The following RADIL variants were observed in gnomAD, a reference collection of about 807,000 sequenced individuals.
RADIL encodes the protein ras-associating and dilute domain-containing protein.
Under a neutral mutation model 97.6 loss-of-function variants are expected in RADIL, and 99 were observed. The observed-to-expected ratio is 1.01, with a 90% confidence interval of 0.86 to 1.20. The LOEUF is 1.20. Among genes scored for constraint, RADIL ranks in the 50% most tolerant of loss-of-function variants. The pLI is 0.00. For missense variants in RADIL, 1,765 were observed against 1,498.9 expected, an observed-to-expected ratio of 1.18 and a Z score of -2.93; for synonymous variants, 803 against 691.8, an observed-to-expected ratio of 1.16 and a Z score of -2.52.
chr7:4,840,897 G>A lies in RADIL; in HGVS notation c.536-4292C>T, dbSNP rs1783422439. Among the ~76,000 whole-genome samples the A allele has an allele frequency of 6.6e-6, 1 of 152,194 alleles. No individual in the cohort carries two copies. Among genetic ancestry groups the A allele is most frequent in the Non-Finnish European group, 1.5e-5 (1 of 68,030 alleles). ...CAGGAGAATGGCTTGAACCCAGGAG[G>A]TGGAGGTTGCAGTGACCTGAGATCG... On this transcript the variant is annotated intron_variant, in intron 2 of 14. Transcript: ENST00000399583. This position sits in a 1 kb window ranked among gnomAD's most constrained non-coding sequence, Gnocchi z 5.6.
chr7:4,875,478 G>T (rs1489623383), intron 2 of RADIL, among the ~76,000 whole-genome samples: 1 of 152,122 alleles, frequency 6.6e-6, no homozygotes. Context: ...TACACTGGCA[G>T]TCGCCTATCA....
At position 4,883,371 on chromosome 7, in the gene RADIL, T is replaced by C. The variant is rs1261462496; in HGVS notation, c.-65+225A>G. Among the ~76,000 whole-genome samples the C allele has an allele frequency of 2.0e-5, 3 of 151,904 alleles. No homozygotes were observed. The highest frequency in any genetic ancestry group is 4.4e-5 in the Non-Finnish European group (3 of 67,924). On this transcript the variant is annotated intron_variant, in intron 1 of 14. Transcript: ENST00000399583. The surrounding 1 kb of genome is among the most constrained non-coding windows in gnomAD (Gnocchi z 7.1). The stretch of plus-strand genomic sequence containing the variant: ...CAGGCTGGGCCGCCCTTGCCCGCGC[T>C]AGCCGGCCTCCGGGTACCGCCCCCC...
Position 4,877,662 on chromosome 7 carries a change from T to G in RADIL, c.478A>C (p.Arg160=). Residue 160 remains arginine, a synonymous_variant, in exon 2 of 15, where the codon AGG becomes CGG. Coordinates refer to ENST00000399583, the MANE Select transcript of RADIL (RefSeq NM_018059.5). ...AGCTCCTCCACGTCCGACCTCTTCC[T>G]CAGCTCAAACCTCCGGGATAAACCT... ...REGLSRRFEL[R]KRSDVEELAA... The G allele has an allele frequency of 6.2e-7, 1 of 1,613,782 alleles. No homozygotes were observed. Among genetic ancestry groups the G allele is most frequent in the Non-Finnish European group, 8.5e-7 (1 of 1,179,846 alleles).
Position 4,861,577 on chromosome 7 carries a change from G to C in RADIL, c.535+16028C>G, listed in dbSNP as rs772110458. 3.7e-6 allele frequency: 6 copies of C among 1,613,572 alleles called. No homozygotes were observed. The Admixed American group carries it at 1.0e-4, about 27-fold the overall frequency. On this transcript the variant is annotated intron_variant, in intron 2 of 14. Coordinates refer to ENST00000399583, the MANE Select transcript of RADIL (RefSeq NM_018059.5). ...GAAGACTCTTGCTTTCACTGATTTC[G>C]CGTATCCATTCCTTTACCAGATTAT...
chr7:4,855,641 AAAAAAAG>A (rs1783810220), intron 2 of RADIL, among the ~76,000 whole-genome samples: 1 of 146,856 alleles, frequency 6.8e-6, no homozygotes, highest in African/African-American at 2.6e-5. Context: ...AAAAAAAAAA[AAAAAAAG>A]AAATGCCTCT....
intron 9 of RADIL, chr7:4,809,753 G>C (rs1782485032): frequency 1.9e-6 from 1 of 513,972 alleles, no homozygotes; most frequent in African/African-American, 2.1e-5. Flanking sequence ...CGTGATCTCG[G>C]CTCACTGCAA....
At chr7:4,825,376 G>C (rs1321472808) in intron 5 of RADIL, among the ~76,000 whole-genome samples, 2 of 152,214 alleles carry the variant, frequency 1.3e-5, no homozygotes, top group Non-Finnish European at 2.9e-5. Flanking sequence ...GGAGCACAGA[G>C]ACCAGAGCAT....
At chr7:4,805,411 G>A in intron 10 of RADIL, 155 bp downstream of exon 10, 1 of 904,064 alleles carries the variant, frequency 1.1e-6, no homozygotes, top group Non-Finnish European at 1.5e-6. Context: ...GGGCGGGGCG[G>A]GGGGGTCCTC....
At chr7:4,816,869 C>T (rs528494538) in intron 7 of RADIL, among the ~76,000 whole-genome samples, 78 of 152,202 alleles carry the variant, frequency 5.1e-4, no homozygotes, top group Admixed American at 2.6e-3. Flanking sequence ...ACAGGGGGAC[C>T]GGCGGCAGCA....
At chr7:4,860,298 C>A (rs769369052) in intron 2 of RADIL, 1 of 1,613,918 alleles carries the variant, frequency 6.2e-7, no homozygotes, top group Non-Finnish European at 8.5e-7. Flanking sequence ...GCTTTCTTGT[C>A]CTGAAGCACA....
In RADIL at chr7:4,797,289, C is replaced by T. The variant is rs1781951796; in HGVS notation, c.*2089G>A. 6.6e-6 allele frequency: 1 copy of T among 152,308 alleles called. No homozygotes were observed. The highest frequency in any genetic ancestry group is 1.9e-4 in the East Asian group (1 of 5,204). The allele number at this position is 152,308 out of a possible 1,614,324, so 9.4% of individuals were successfully genotyped here. On this transcript the variant is annotated 3_prime_UTR_variant, in exon 15 of 15. Coordinates refer to ENST00000399583, the MANE Select transcript of RADIL (RefSeq NM_018059.5). ...TTCCTTGGGGTGATGCCAAGAGCTTCTTTCCATGGATGCTGAGTTCCAGGA... is the reference window on the plus strand; with the variant it reads ...TTCCTTGGGGTGATGCCAAGAGCTTTTTTCCATGGATGCTGAGTTCCAGGA...
intron 1 of RADIL, among the ~76,000 whole-genome samples, chr7:4,881,323 G>A (rs1339998732): frequency 6.6e-6 from 1 of 150,782 alleles, no homozygotes; most frequent in Non-Finnish European, 1.5e-5. Context: ...GCTGAGGCAG[G>A]AGAATGGCGT....
chr7:4,826,420 G>C (rs920578551), intron 5 of RADIL, among the ~76,000 whole-genome samples: 1 of 151,888 alleles, frequency 6.6e-6, no homozygotes, highest in African/African-American at 2.4e-5. Context: ...AATAAAGAAG[G>C]AAAAGGGGAG....
At chr7:4,806,139 G>A (rs567813622) in intron 9 of RADIL, 3 of 837,242 alleles carry the variant, frequency 3.6e-6, no homozygotes, top group South Asian at 1.1e-4. Context: ...AGGAGGCAGG[G>A]AAAACATTTG....
At chr7:4,860,235 A>G (rs1281495846) in intron 2 of RADIL, 1 of 1,614,006 alleles carries the variant, frequency 6.2e-7, no homozygotes, top group Non-Finnish European at 8.5e-7. Flanking sequence ...CCTGCAGACA[A>G]GTCAAAGCTG....
chr7:4,882,548 TGAC>T (rs1784507962), intron 1 of RADIL, among the ~76,000 whole-genome samples: 3 of 152,204 alleles, frequency 2.0e-5, no homozygotes, highest in East Asian at 3.8e-4. Context: ...AGTGCTGCGC[TGAC>T]GACATGGGTG....
In RADIL at chr7:4,834,716, G is replaced by A; in HGVS notation, c.1307C>T (p.Pro436Leu). The change falls in exon 4 of 15, where the codon CCC (proline) becomes CTC (leucine). Residue 436 changes from proline (P) to leucine (L), a missense_variant. Coordinates refer to ENST00000399583, the MANE Select transcript of RADIL (RefSeq NM_018059.5). The surrounding 1 kb of genome is among the most constrained non-coding windows in gnomAD (Gnocchi z 6.0). The stretch of plus-strand genomic sequence containing the variant: ...GATGCAGAGGCACAGGAGGAAGGCG[G>A]GGGTCAGCTTGTGGTCGTCGCCCCC... ...EPGGDDHKLT[P>L]AFLLCLCIQH... is the part of the protein sequence containing the mutation. 1 of 1,412,588 alleles carries A rather than the reference G, an allele frequency of 7.1e-7. No individual in the cohort carries two copies. Among genetic ancestry groups the A allele is most frequent in the Non-Finnish European group, 9.3e-7 (1 of 1,076,458 alleles). 87.5% of individuals were successfully genotyped at this position (1,412,588 alleles called of 1,614,324 possible).
intron 9 of RADIL, chr7:4,811,196 A>G (rs1782534071): frequency 6.6e-6 from 1 of 152,150 alleles, no homozygotes; most frequent in African/African-American, 2.4e-5. Flanking sequence ...TTTTAAGGCT[A>G]GTCAAGTGAA....
In RADIL at chr7:4,802,688, G is replaced by A. The variant is rs1046755514; in HGVS notation, c.2500-693C>T. The stretch of plus-strand genomic sequence containing the variant: ...GGGGGGCCCCCTCCCCGGGTACCTC[G>A]GGGCACGCTGGCTGGGTCCCCTCCC... On this transcript the variant is annotated intron_variant, in intron 11 of 14. Transcript: ENST00000399583. Among the ~76,000 whole-genome samples the A allele has an allele frequency of 6.4e-3, 677 of 106,354 alleles. 1 individual carries two copies. Among genetic ancestry groups the A allele is most frequent in the African/African-American group, 0.017 (414 of 24,044 alleles). 69.8% of individuals were successfully genotyped at this position (106,354 alleles called of 152,430 possible).
Sources: allele counts gnomAD v4.1 joint callset (sites outside exome capture counted in the v4.1 genomes callset), GRCh38; gene constraint gnomAD v4.1.1; non-coding constraint Gnocchi (gnomAD v3.1); transcripts MANE v1.5; gene names NCBI Gene and HGNC (gene_info 2026-07-23, HGNC 2026-07-21).